The following DEUP1 variants were observed in gnomAD, a reference collection of about 807,000 sequenced individuals.
DEUP1 encodes the protein coiled-coil domain containing 67.
DEUP1 carries 82 observed loss-of-function variants against 87.4 expected under a neutral mutation model. The observed-to-expected ratio is 0.94, with a 90% confidence interval of 0.78 to 1.13. DEUP1 has a LOEUF of 1.13. DEUP1 is among the 50% of genes most tolerant of loss of function. DEUP1 has a pLI of 0.00. For synonymous variants in DEUP1, 214 were observed against 222.7 expected, an observed-to-expected ratio of 0.96 and a Z score of 0.35; for missense variants, 663 against 681.5, an observed-to-expected ratio of 0.97 and a Z score of 0.30.
intron 13 of DEUP1, among the ~76,000 whole-genome samples, chr11:93,418,633 A>G (rs1947737379): frequency 6.6e-6 from 1 of 151,940 alleles, no homozygotes; most frequent in South Asian, 2.1e-4. Context: ...GCGATTCCTC[A>G]GGGATCTAGA....
At chr11:93,352,267 T>G in intron 2 of DEUP1, 1 of 675,148 alleles carries the variant, frequency 1.5e-6, no homozygotes, top group Non-Finnish European at 2.7e-6. Flanking sequence ...CTGAAATAAC[T>G]TGCTTTTCTA....
intron 2 of DEUP1, among the ~76,000 whole-genome samples, chr11:93,335,162 C>A: frequency 6.6e-6 from 1 of 151,726 alleles, no homozygotes; most frequent in Non-Finnish European, 1.5e-5. Flanking sequence ...TTCTTTGACT[C>A]AAGAGATATT....
At chr11:93,392,420 TAGAG>T (rs1329424298) in intron 9 of DEUP1, among the ~76,000 whole-genome samples, 3 of 152,054 alleles carry the variant, frequency 2.0e-5, no homozygotes, top group Non-Finnish European at 4.4e-5. Flanking sequence ...GTCTGCAAAA[TAGAG>T]AGACATTGTG....
At chr11:93,351,719 G>A (rs1204318857) in intron 2 of DEUP1, among the ~76,000 whole-genome samples, 1 of 152,010 alleles carries the variant, frequency 6.6e-6, no homozygotes, top group East Asian at 1.9e-4. Context: ...AAAGCCTCTG[G>A]GCCTAACATT....
chr11:93,416,345 G>C (rs1274749183), intron 13 of DEUP1, among the ~76,000 whole-genome samples: 2 of 151,920 alleles, frequency 1.3e-5, no homozygotes, highest in African/African-American at 2.4e-5. Flanking sequence ...AATGATAAAG[G>C]GGATATCACC....
Position 93,371,245 on chromosome 11 carries a change from T to C in DEUP1, c.754T>C (p.Leu252=). 1 of 1,613,130 alleles carries C rather than the reference T, an allele frequency of 6.2e-7. No homozygotes were observed. Among genetic ancestry groups the C allele is most frequent in the Non-Finnish European group, 8.5e-7 (1 of 1,179,596 alleles). ...NKLQDENQKL[L]QELKMYQRQC... ...ATTACAAGATGAAAATCAGAAGCTC[T>C]TGCAAGAACTGAAAATGTACCAAAG... Residue 252 remains leucine (L), a synonymous_variant, in exon 7 of 14, where the codon TTG becomes CTG. Transcript: ENST00000298050.
chr11:93,386,479 A>T (rs1946565561), intron 8 of DEUP1, among the ~76,000 whole-genome samples: 1 of 152,230 alleles, frequency 6.6e-6, no homozygotes, highest in Non-Finnish European at 1.5e-5. Flanking sequence ...AGCTAATGCC[A>T]GATCAATGAT....
chr11:93,355,473 G>A lies in DEUP1; in HGVS notation c.132G>A (p.Glu44=). 4 of 1,613,826 alleles carry A rather than the reference G, an allele frequency of 2.5e-6. No individual in the cohort carries two copies. Among genetic ancestry groups the A allele is most frequent in the Non-Finnish European group, 2.5e-6 (3 of 1,179,800 alleles). ...GGGAAAGAAAGATGCGGGCTTTGGA[G>A]ACACGATTAGATCTTCGGGATCAAG... ...MDWERKMRAL[E]TRLDLRDQEL... Residue 44 remains glutamate (E), a synonymous_variant, in exon 3 of 14, where the codon GAG becomes GAA. Transcript: ENST00000298050.
In DEUP1 at chr11:93,341,791, C is replaced by T. The variant is rs114842442; in HGVS notation, c.29+9503C>T. Among the ~76,000 whole-genome samples the T allele has an allele frequency of 3.4e-3, 512 of 152,160 alleles. 3 individuals are homozygous for T. The highest frequency in any genetic ancestry group is 0.012 in the African/African-American group (488 of 41,502). On this transcript the variant is annotated intron_variant, in intron 2 of 13. Transcript: ENST00000298050. Reference sequence around the variant, plus strand: ...TGCCACAAATTTGGTAGCTTAAAACCAAAATTTATTCACTCACAGTTCTAG... The same window carrying T: ...TGCCACAAATTTGGTAGCTTAAAACTAAAATTTATTCACTCACAGTTCTAG...
At chr11:93,360,474 G>A (rs906364766) in intron 4 of DEUP1, among the ~76,000 whole-genome samples, 19 of 152,180 alleles carry the variant, frequency 1.2e-4, no homozygotes, top group African/African-American at 4.6e-4. Context: ...AGATGCCAAG[G>A]CCAAGATGCC....
chr11:93,341,459 C>T (rs1358998812), intron 2 of DEUP1, among the ~76,000 whole-genome samples: 1 of 152,076 alleles, frequency 6.6e-6, no homozygotes, highest in Non-Finnish European at 1.5e-5. Context: ...CTTTTTCTTC[C>T]CAGTCTCAGG....
intron 1 of DEUP1, among the ~76,000 whole-genome samples, chr11:93,331,789 C>T (rs1943496831): frequency 6.6e-6 from 1 of 152,078 alleles, no homozygotes; most frequent in Non-Finnish European, 1.5e-5. Context: ...GGTCGCTAAA[C>T]AAAAAACTCA....
At chr11:93,386,854 T>C (rs1946584263) in intron 8 of DEUP1, among the ~76,000 whole-genome samples, 1 of 152,124 alleles carries the variant, frequency 6.6e-6, no homozygotes, top group South Asian at 2.1e-4. Flanking sequence ...CCTAAAAACA[T>C]AAGACATTTC....
At chr11:93,427,104 C>T (rs1293918990) in intron 13 of DEUP1, among the ~76,000 whole-genome samples, 4 of 144,282 alleles carry the variant, frequency 2.8e-5, no homozygotes, top group South Asian at 2.4e-4. Context: ...TGACTTTCTT[C>T]AAAAAATTGG....
chr11:93,417,927 G>A (rs1947704515), intron 13 of DEUP1, among the ~76,000 whole-genome samples: 2 of 151,404 alleles, frequency 1.3e-5, no homozygotes, highest in South Asian at 2.1e-4. Context: ...ACAAGCAATG[G>A]GGAAAGGATT....
chr11:93,344,132 T>G (rs1395036698), intron 2 of DEUP1, among the ~76,000 whole-genome samples: 1 of 152,088 alleles, frequency 6.6e-6, no homozygotes, highest in Admixed American at 6.6e-5. Context: ...ATCTTTCACT[T>G]TAGTGTTTTA....
At chr11:93,371,789 T>C (rs1945742373) in intron 7 of DEUP1, among the ~76,000 whole-genome samples, 1 of 152,232 alleles carries the variant, frequency 6.6e-6, no homozygotes, top group Non-Finnish European at 1.5e-5. Context: ...ACAAATATGA[T>C]TGATGGTTTA....
intron 11 of DEUP1, among the ~76,000 whole-genome samples, chr11:93,405,771 A>G (rs1210505340): frequency 6.6e-6 from 1 of 151,920 alleles, no homozygotes; most frequent in African/African-American, 2.4e-5. Context: ...ACTTAGGATG[A>G]TTTTATGGGA....
intron 4 of DEUP1, among the ~76,000 whole-genome samples, chr11:93,363,758 TTAAG>T (rs1945287691): frequency 6.6e-6 from 1 of 151,954 alleles, no homozygotes; most frequent in South Asian, 2.1e-4. Flanking sequence ...TTCTGTTTTC[TTAAG>T]TAAGGTATAA....
Sources: gnomAD v4.1 joint callset for allele counts (sites outside exome capture counted in the v4.1 genomes callset) on GRCh38, gnomAD v4.1.1 for gene constraint, MANE v1.5 for transcripts, NCBI Gene and HGNC (gene_info 2026-07-23, HGNC 2026-07-21) for gene names.